MALRD1: variants seen among roughly 807,000 people sequenced by gnomAD.
MALRD1 encodes MAM and LDL receptor class A domain containing 1, also known as MAM and LDL-receptor class A domain-containing protein 1.
MALRD1 carries 247 observed loss-of-function variants against 242.1 expected under a neutral mutation model. The observed-to-expected ratio is 1.02, with a 90% CI of 0.92 to 1.13. The LOEUF (loss-of-function observed/expected upper bound fraction) is 1.13, where lower values mean the gene tolerates loss of function less well. MALRD1 is among the 50% of genes most tolerant of loss of function. MALRD1 has a pLI of 0.00. For missense variants in MALRD1, 2,989 were observed against 2,533.1 expected (o/e 1.18, Z -3.86); for synonymous variants, 995 against 866.6 (o/e 1.15, Z -2.60).
At chr10:19,618,633 T>C (rs886364824) in intron 36 of MALRD1, among the ~76,000 whole-genome samples, 1 of 152,076 alleles carries the variant, frequency 6.6e-6, no homozygotes, top group Non-Finnish European at 1.5e-5. Context: ...TGTGTCTTCT[T>C]TCAAAAAATG....
chr10:19,726,949 G>C (rs920120806), intron 38 of MALRD1, among the ~76,000 whole-genome samples: 1 of 152,180 alleles, frequency 6.6e-6, no homozygotes, highest in Non-Finnish European at 1.5e-5. Flanking sequence ...GAGGGGAATG[G>C]GGTGTTAATG....
intron 21 of MALRD1, among the ~76,000 whole-genome samples, chr10:19,311,223 C>G: frequency 6.6e-6 from 1 of 151,352 alleles, no homozygotes; most frequent in East Asian, 1.9e-4. Flanking sequence ...ATATTCTTAA[C>G]TCATGCACAG....
rs1355453871 is a variant in MALRD1, at chr10:19,595,443, A to G, written c.5930A>G (p.Asp1977Gly). The change falls in exon 34 of 40, where the codon GAT (aspartate) becomes GGT (glycine). Residue 1977 changes from aspartate to glycine, a missense_variant. By Grantham distance (94) the Asp-to-Gly change is moderately conservative. Coordinates refer to ENST00000454679, the MANE Select transcript of MALRD1 (RefSeq NM_001142308.3). ...GTGCCCGACTGCCACTTTAATGAAG[A>G]TGAGCTCATCTGCTGTGAGTTATTT... ...DGVPDCHFNE[D>G]ELICSNKSCS... 1 of 1,549,874 alleles carries G rather than the reference A, an allele frequency of 6.5e-7. No individual in the cohort carries two copies. Among genetic ancestry groups the G allele is most frequent in the South Asian group, 1.2e-5 (1 of 84,020 alleles).
intron 36 of MALRD1, among the ~76,000 whole-genome samples, chr10:19,634,643 A>G (rs1264618611): frequency 6.6e-6 from 1 of 152,158 alleles, no homozygotes; most frequent in Non-Finnish European, 1.5e-5. Context: ...AAAAATACAC[A>G]TGGGCTAAGC....
intron 36 of MALRD1, among the ~76,000 whole-genome samples, chr10:19,625,059 A>AG (rs1839588105): frequency 1.8e-4 from 8 of 43,994 alleles, no homozygotes; most frequent in Non-Finnish European, 2.8e-4. Context: ...CCTATTTTAA[A>AG]AAGAGAGAGA....
intron 1 of MALRD1, among the ~76,000 whole-genome samples, chr10:19,065,437 C>A (rs11008328): frequency 6.6e-6 from 1 of 151,854 alleles, no homozygotes; most frequent in Admixed American, 6.6e-5. Context: ...GTGTCTTATG[C>A]TAATGATCAA....
chr10:19,103,936 G>T (rs906585683), intron 4 of MALRD1, 43 bp from the exon 5 acceptor site: 2 of 1,133,250 alleles, frequency 1.8e-6, no homozygotes, highest in African/African-American at 3.2e-5. Context: ...GATGTTCCTT[G>T]CTTTATGTTT....
At chr10:19,365,677 A>G (rs927479523) in intron 26 of MALRD1, among the ~76,000 whole-genome samples, 1 of 73,204 alleles carries the variant, frequency 1.4e-5, no homozygotes, top group African/African-American at 5.1e-5. Context: ...AAAAAAAAAA[A>G]AAAAAAAAAA....
intron 38 of MALRD1, among the ~76,000 whole-genome samples, chr10:19,725,719 C>T (rs775949014): frequency 9.2e-5 from 14 of 152,110 alleles, no homozygotes; most frequent in South Asian, 2.1e-4. Context: ...AGTGTGGTAT[C>T]GGCATGAGGC....
intron 24 of MALRD1, among the ~76,000 whole-genome samples, chr10:19,334,771 G>A (rs1478242161): frequency 2.0e-5 from 3 of 152,048 alleles, no homozygotes; most frequent in Non-Finnish European, 4.4e-5. Context: ...TCAAGTGCTT[G>A]TAGATTTTCT....
intron 2 of MALRD1, among the ~76,000 whole-genome samples, chr10:19,071,674 C>A (rs1413369700): frequency 6.6e-6 from 1 of 152,052 alleles, no homozygotes; most frequent in African/African-American, 2.4e-5. Context: ...GTTGCCCTTT[C>A]TGAAGGGAAA....
intron 38 of MALRD1, among the ~76,000 whole-genome samples, chr10:19,693,703 T>C (rs570023663): frequency 6.6e-6 from 1 of 152,312 alleles, no homozygotes; most frequent in South Asian, 2.1e-4. Context: ...AATGACTTTC[T>C]TCACAGAATT....
chr10:19,357,223 A>T (rs982643851), intron 26 of MALRD1, among the ~76,000 whole-genome samples: 4 of 152,200 alleles, frequency 2.6e-5, no homozygotes, highest in African/African-American at 9.6e-5. Context: ...CTTATTAGCT[A>T]TTTTTACCCA....
chr10:19,209,280 A>G lies in MALRD1; in HGVS notation c.2591A>G (p.Gln864Arg), dbSNP rs565227062. ...ATGTGAATTTCAGCACCTGAGCTGC[A>G]GTGTAACTTTGAAACTGGAATCTGT... ...TDEVNCAPEL[Q>R]CNFETGICNW... Residue 864 changes from glutamine to arginine, a missense_variant, in exon 18 of 40, where the codon CAG becomes CGG. Gln to Arg is a conservative substitution (Grantham distance 43, BLOSUM62 1). Coordinates refer to ENST00000454679, the MANE Select transcript of MALRD1 (RefSeq NM_001142308.3). 3 of 1,535,886 alleles carry G rather than the reference A, an allele frequency of 2.0e-6. No homozygotes were observed. The highest frequency in any genetic ancestry group is 2.1e-5 in the Admixed American group (1 of 48,146).
At position 19,430,111 on chromosome 10, in the gene MALRD1, CTTTTTTT is replaced by C. The variant is rs1156254998; in HGVS notation, c.4846-20181_4846-20175del. Among the ~76,000 whole-genome samples, 7 of 83,494 alleles carry C rather than the reference CTTTTTTT, an allele frequency of 8.4e-5. No homozygotes were observed. The East Asian group carries it at 1.8e-3, about 22-fold the overall frequency. The allele number at this position is 83,494 out of a possible 152,430, so 54.8% of individuals were successfully genotyped here. On this transcript the variant is annotated intron_variant, in intron 28 of 39. Transcript: ENST00000454679. ...CTTTGCTTGGAATTTCTCCATTTTCCTTTTTTTTTTTTTTTTTTTTTGAGATGGAGGC... is the reference window on the plus strand; with the variant it reads ...CTTTGCTTGGAATTTCTCCATTTTCCTTTTTTTTTTTTTTGAGATGGAGGC...
chr10:19,584,152 TTG>T (rs1296517984), intron 33 of MALRD1, among the ~76,000 whole-genome samples: 1 of 151,380 alleles, frequency 6.6e-6, no homozygotes, highest in Non-Finnish European at 1.5e-5. Context: ...TCTATCAATT[TTG>T]TTGATCCTTT....
chr10:19,306,374 A>G (rs534174332), intron 21 of MALRD1, among the ~76,000 whole-genome samples: 7 of 122,216 alleles, frequency 5.7e-5, no homozygotes, highest in Admixed American at 2.7e-4. Context: ...TCGTATATAT[A>G]CCGTGTATAG....
At chr10:19,168,273 G>A (rs1472468097) in intron 13 of MALRD1, among the ~76,000 whole-genome samples, 2 of 152,170 alleles carry the variant, frequency 1.3e-5, no homozygotes, top group Non-Finnish European at 1.5e-5. Flanking sequence ...AATCATTTTG[G>A]TGTCAATCTC....
intron 11 of MALRD1, among the ~76,000 whole-genome samples, chr10:19,147,331 G>A (rs1365117628): frequency 3.3e-5 from 5 of 152,206 alleles, no homozygotes; most frequent in African/African-American, 9.7e-5. Flanking sequence ...GGGTGAGAGT[G>A]CTAGGGGATG....
Sources: allele counts gnomAD v4.1 joint callset (sites outside exome capture counted in the v4.1 genomes callset), GRCh38; gene constraint gnomAD v4.1.1; transcripts MANE v1.5; gene names NCBI Gene and HGNC (gene_info 2026-07-23, HGNC 2026-07-21).